The following FUT8 variants were observed in gnomAD, a reference collection of about 807,000 sequenced individuals.
The protein encoded by FUT8 is alpha-(1,6)-fucosyltransferase.
Under a neutral mutation model 71.3 loss-of-function variants are expected in FUT8, and 29 were observed. That is an observed-to-expected ratio of 0.41 (90% CI 0.30 to 0.55). The LOEUF is 0.55. Among genes scored for constraint, FUT8 ranks in the 20% least tolerant of loss-of-function variants. The pLI, the probability that FUT8 is intolerant of heterozygous loss-of-function variation, is 0.34. For synonymous variants in FUT8, 254 were observed against 239.3 expected, an observed-to-expected ratio of 1.06 and a Z score of -0.57; for missense variants, 544 against 702.1, an observed-to-expected ratio of 0.77 and a Z score of 2.55.
At position 65,591,304 on chromosome 14, in the gene FUT8, A is replaced by C. The variant is rs547730041; in HGVS notation, c.204-24674A>C. Among the ~76,000 whole-genome samples the C allele has an allele frequency of 1.2e-4, 19 of 152,244 alleles. 1 individual carries two copies. The highest frequency in any genetic ancestry group is 1.0e-3 in the Admixed American group (16 of 15,298). On this transcript the variant is annotated intron_variant, in intron 3 of 10. Coordinates refer to ENST00000673929, the MANE Select transcript of FUT8 (RefSeq NM_001371533.1). ...TGTCATTGTTTTCAATAAAAGGCAAAAAGCAGTTGTTCAGGTTTAGACTGA... is the reference window on the plus strand; with the variant it reads ...TGTCATTGTTTTCAATAAAAGGCAACAAGCAGTTGTTCAGGTTTAGACTGA...
At chr14:65,363,433 T>G in the FUT8 span, among the ~76,000 whole-genome samples, 1 of 152,056 alleles carries the variant, frequency 6.6e-6, no homozygotes, top group Non-Finnish European at 1.5e-5. Context: ...ATTTTTGCAT[T>G]TTTAGTAGAG....
chr14:65,680,919 A>T (rs1362473776), intron 7 of FUT8, among the ~76,000 whole-genome samples: 1 of 152,172 alleles, frequency 6.6e-6, no homozygotes, highest in East Asian at 1.9e-4. Flanking sequence ...TGCACTCCAT[A>T]ATTCACTAGT....
intron 2 of FUT8, among the ~76,000 whole-genome samples, chr14:65,485,708 C>T (rs942376063): frequency 1.3e-5 from 2 of 152,186 alleles, no homozygotes; most frequent in African/African-American, 2.4e-5. Flanking sequence ...TTGTTCTCTG[C>T]GTAGCCACCC....
intron 9 of FUT8, among the ~76,000 whole-genome samples, chr14:65,726,669 C>A (rs890878735): frequency 6.6e-6 from 1 of 152,306 alleles, no homozygotes; most frequent in East Asian, 1.9e-4. Context: ...CCATATCATT[C>A]CACCCCTGGC....
chr14:65,418,343 C>G (rs773677705), intron 1 of FUT8, among the ~76,000 whole-genome samples: 1 of 152,146 alleles, frequency 6.6e-6, no homozygotes, highest in Non-Finnish European at 1.5e-5. Context: ...AATGTTGTGA[C>G]TGATTTTTCT....
chr14:65,595,972 A>C (rs891122275), intron 3 of FUT8, among the ~76,000 whole-genome samples: 1 of 152,208 alleles, frequency 6.6e-6, no homozygotes, highest in Non-Finnish European at 1.5e-5. Flanking sequence ...AACAGTTACT[A>C]TGACTACCTT....
intron 7 of FUT8, among the ~76,000 whole-genome samples, chr14:65,693,332 C>T (rs1003834311): frequency 6.6e-6 from 1 of 152,234 alleles, no homozygotes; most frequent in African/African-American, 2.4e-5. Flanking sequence ...CAGCGAAACC[C>T]CGTCTCCACC....
intron 2 of FUT8, among the ~76,000 whole-genome samples, chr14:65,497,878 A>G (rs1034905311): frequency 1.3e-5 from 2 of 152,050 alleles, no homozygotes; most frequent in African/African-American, 4.8e-5. Flanking sequence ...GGGAAAGGAG[A>G]GCAGATTGAG....
intron 6 of FUT8, among the ~76,000 whole-genome samples, chr14:65,666,882 A>G (rs966278626): frequency 6.6e-6 from 1 of 152,230 alleles, no homozygotes; most frequent in African/African-American, 2.4e-5. Flanking sequence ...ACACAAATCC[A>G]TAAATGTGAT....
the FUT8 span, among the ~76,000 whole-genome samples, chr14:65,402,048 T>A: frequency 6.6e-6 from 1 of 152,076 alleles, no homozygotes; most frequent in Non-Finnish European, 1.5e-5. Context: ...GGGGTAAGTC[T>A]CAGTTCTTGT....
At chr14:65,422,984 C>CTTTTTTTT (rs34536679) in intron 1 of FUT8, among the ~76,000 whole-genome samples, 7 of 127,406 alleles carry the variant, frequency 5.5e-5, no homozygotes, top group South Asian at 5.1e-4. Context: ...TTCTTTCTTT[C>CTTTTTTTT]TTTTTTTTTT....
chr14:65,399,248 C>T, the FUT8 span, among the ~76,000 whole-genome samples: 4 of 152,028 alleles, frequency 2.6e-5, no homozygotes, highest in Non-Finnish European at 4.4e-5. Context: ...ACCCAAGAGG[C>T]GGAGGTTGCA....
At chr14:65,696,869 T>C (rs1006859394) in intron 7 of FUT8, among the ~76,000 whole-genome samples, 1 of 152,226 alleles carries the variant, frequency 6.6e-6, no homozygotes, top group Non-Finnish European at 1.5e-5. Flanking sequence ...TCTGTTATGG[T>C]GTTTTTTTAT....
In FUT8 at chr14:65,412,918, G is replaced by A. The variant is rs1363294186; in HGVS notation, c.-622G>A. ...CCGTCCCTTCGTCTCCCCGCGGAAT[G>A]GGGCCGGCACTGCTCAGGGTCGCGC... is the stretch of plus-strand genomic sequence containing the variant. On this transcript the variant is annotated 5_prime_UTR_variant, in exon 1 of 11. An upstream start codon of the reference 5' UTR is lost. Transcript: ENST00000673929. 6.4e-6 allele frequency: 1 copy of A among 157,364 alleles called. No homozygotes were observed. The highest frequency in any genetic ancestry group is 1.4e-5 in the Non-Finnish European group (1 of 71,586). The allele number at this position is 157,364 out of a possible 1,614,324, so 9.7% of individuals were successfully genotyped here. A position where few individuals can be genotyped will look rare whatever the true frequency, so the allele number is the denominator to read the frequency against.
chr14:65,527,239 T>C (rs1468648307), intron 2 of FUT8, among the ~76,000 whole-genome samples: 1 of 152,220 alleles, frequency 6.6e-6, no homozygotes, highest in African/African-American at 2.4e-5. Flanking sequence ...TAGTCCCATG[T>C]TTCTTGGAGG....
chr14:65,574,915 C>T lies in FUT8; in HGVS notation c.203+13149C>T, dbSNP rs901771718. Among the ~76,000 whole-genome samples, 2 of 152,022 alleles carry T rather than the reference C, an allele frequency of 1.3e-5. No individual in the cohort carries two copies. Among genetic ancestry groups the T allele is most frequent in the African/African-American group, 4.8e-5 (2 of 41,390 alleles). On this transcript the variant is annotated intron_variant, in intron 3 of 10. Coordinates refer to ENST00000673929, the MANE Select transcript of FUT8 (RefSeq NM_001371533.1). The surrounding 1 kb of genome is among the most constrained non-coding windows in gnomAD (Gnocchi z 5.2). ...TGAAGGCAGGGTTGCTGAACAGATACTTCATTTATTTCGTTGATGTTGCAG... is the reference window on the plus strand; with the variant it reads ...TGAAGGCAGGGTTGCTGAACAGATATTTCATTTATTTCGTTGATGTTGCAG...
chr14:65,566,331 C>T (rs1287142706), intron 3 of FUT8, among the ~76,000 whole-genome samples: 1 of 151,932 alleles, frequency 6.6e-6, no homozygotes, highest in African/African-American at 2.4e-5. Context: ...GAGGCCTACC[C>T]ATATTCAAAA....
intron 6 of FUT8, among the ~76,000 whole-genome samples, chr14:65,634,008 C>T (rs562986382): frequency 3.9e-5 from 6 of 152,264 alleles, no homozygotes; most frequent in East Asian, 1.9e-4. Flanking sequence ...GCCCGGCCAC[C>T]GCTACTGGGA....
intron 7 of FUT8, among the ~76,000 whole-genome samples, chr14:65,686,554 TGTTA>T (rs1472869515): frequency 6.6e-6 from 1 of 152,220 alleles, no homozygotes; most frequent in East Asian, 1.9e-4. Flanking sequence ...GGATTAAAGT[TGTTA>T]GTTTTAAGAG....
Sources: gnomAD v4.1 joint callset for allele counts (sites outside exome capture counted in the v4.1 genomes callset) on GRCh38, gnomAD v4.1.1 for gene constraint, Gnocchi (gnomAD v3.1) non-coding constraint, MANE v1.5 for transcripts, NCBI Gene and HGNC (gene_info 2026-07-23, HGNC 2026-07-21) for gene names.